The following TPD52L1 variants were observed in gnomAD, a reference collection of about 807,000 sequenced individuals.
TPD52L1 encodes TPD52 like 1.
In TPD52L1, 18 loss-of-function variants were observed where a neutral mutation model predicts 28.7. The ratio of observed to expected loss-of-function variants is 0.63; its 90% CI spans 0.43 to 0.93. TPD52L1 has a LOEUF of 0.93. Ranked by LOEUF, TPD52L1 falls within the 40% of genes least tolerant of loss-of-function variation. The pLI, the probability that TPD52L1 is intolerant of heterozygous loss-of-function variation, is 0.00. For missense variants in TPD52L1, 203 were observed against 254.8 expected, an observed-to-expected ratio of 0.80 and a Z score of 1.39; for synonymous variants, 75 against 88.8, an observed-to-expected ratio of 0.84 and a Z score of 0.88.
Position 125,198,370 on chromosome 6 carries a change from C to T in TPD52L1, c.20-21708C>T, listed in dbSNP as rs146425569. On this transcript the variant is annotated intron_variant, in intron 1 of 6. Transcript: ENST00000534000. ...ACTAGAGATGGGAGAATTTCAAAGT[C>T]CTTTCCTTCATTGTCCATCTTTACT... Among the ~76,000 whole-genome samples the T allele has an allele frequency of 4.3e-3, 652 of 152,254 alleles. 5 individuals carry two copies. The highest frequency in any genetic ancestry group is 0.015 in the African/African-American group (627 of 41,544).
At chr6:125,199,855 T>C (rs1053764579) in intron 1 of TPD52L1, among the ~76,000 whole-genome samples, 1 of 152,238 alleles carries the variant, frequency 6.6e-6, no homozygotes, top group Non-Finnish European at 1.5e-5. Flanking sequence ...AAAGATGCTT[T>C]GGAGCCATAG....
At chr6:125,251,947 G>A (rs1583018840) in intron 4 of TPD52L1, 1 of 1,481,978 alleles carries the variant, frequency 6.7e-7, no homozygotes, top group Non-Finnish European at 9.1e-7. Context: ...GACCACCAAG[G>A]GCAGTGCAGT....
At chr6:125,162,419 C>A (rs1790582888) in intron 1 of TPD52L1, among the ~76,000 whole-genome samples, 1 of 152,106 alleles carries the variant, frequency 6.6e-6, no homozygotes, top group African/African-American at 2.4e-5. Flanking sequence ...CAAAGGAGTC[C>A]ATTTTTGTGG....
chr6:125,172,193 CTTTCTTTCTTTCTTCT>C (rs1791443774), intron 1 of TPD52L1, among the ~76,000 whole-genome samples: 7 of 112,234 alleles, frequency 6.2e-5, no homozygotes, highest in East Asian at 2.5e-4. Context: ...TTCTTTCTTT[CTTTCTTTCTTTCTTCT>C]TTCTTTCTTT....
At chr6:125,186,138 C>T (rs1792609816) in intron 1 of TPD52L1, among the ~76,000 whole-genome samples, 1 of 152,100 alleles carries the variant, frequency 6.6e-6, no homozygotes, top group Admixed American at 6.5e-5. Flanking sequence ...CCTGCCCCAG[C>T]CTCCCAAAGT....
chr6:125,185,536 A>T (rs1214607567), intron 1 of TPD52L1, among the ~76,000 whole-genome samples: 2 of 152,170 alleles, frequency 1.3e-5, no homozygotes, highest in Non-Finnish European at 2.9e-5. Flanking sequence ...GACAAAGATA[A>T]AATCAGAATG....
chr6:125,212,290 C>T (rs1352903184), intron 1 of TPD52L1, among the ~76,000 whole-genome samples: 1 of 151,952 alleles, frequency 6.6e-6, no homozygotes, highest in African/African-American at 2.4e-5. Context: ...TGCTTTCCTC[C>T]CTTTGCTTGG....
At chr6:125,179,828 C>T (rs1429182596) in intron 1 of TPD52L1, among the ~76,000 whole-genome samples, 1 of 152,146 alleles carries the variant, frequency 6.6e-6, no homozygotes, top group East Asian at 1.9e-4. Context: ...GAAGGCAGCT[C>T]TTACTTAAAG....
At chr6:125,175,765 C>T (rs1302082065) in intron 1 of TPD52L1, among the ~76,000 whole-genome samples, 1 of 152,182 alleles carries the variant, frequency 6.6e-6, no homozygotes, top group Non-Finnish European at 1.5e-5. Flanking sequence ...ATTGCTCATT[C>T]AAACTTTTAT....
chr6:125,252,151 T>C, intron 4 of TPD52L1: 1 of 1,231,106 alleles, frequency 8.1e-7, no homozygotes, highest in Non-Finnish European at 1.1e-6. Context: ...TACACTCTGT[T>C]TTCCAGACAG....
intron 1 of TPD52L1, among the ~76,000 whole-genome samples, chr6:125,208,255 G>A (rs1794283241): frequency 6.6e-6 from 1 of 152,198 alleles, no homozygotes; most frequent in African/African-American, 2.4e-5. Context: ...GCAACAAAGA[G>A]TAGCCTGATA....
At chr6:125,179,108 A>C (rs1792018529) in intron 1 of TPD52L1, among the ~76,000 whole-genome samples, 1 of 152,248 alleles carries the variant, frequency 6.6e-6, no homozygotes, top group African/African-American at 2.4e-5. Flanking sequence ...ACTCAGTCTT[A>C]ACAGACATAT....
chr6:125,256,531 C>A (rs1185417230), intron 5 of TPD52L1, among the ~76,000 whole-genome samples: 1 of 152,060 alleles, frequency 6.6e-6, no homozygotes, highest in Non-Finnish European at 1.5e-5. Context: ...AACACCACTT[C>A]ATGTAAGTTG....
intron 1 of TPD52L1, chr6:125,154,493 G>A (rs1361655718): frequency 5.1e-6 from 5 of 985,496 alleles, no homozygotes; most frequent in Middle Eastern, 5.2e-4. Flanking sequence ...CCGAGGCCAG[G>A]TGAACGTTAC....
intron 3 of TPD52L1, among the ~76,000 whole-genome samples, chr6:125,235,649 G>A (rs941418247): frequency 1.3e-5 from 2 of 152,058 alleles, no homozygotes; most frequent in African/African-American, 4.8e-5. Flanking sequence ...ATCATTTCCC[G>A]ACATATAACC....
intron 1 of TPD52L1, among the ~76,000 whole-genome samples, chr6:125,200,688 C>G (rs1292237845): frequency 6.6e-6 from 1 of 152,158 alleles, no homozygotes; most frequent in Non-Finnish European, 1.5e-5. Context: ...TTTTATTCCT[C>G]CCCCAAATGG....
At chr6:125,240,828 G>C (rs552987446) in intron 3 of TPD52L1, among the ~76,000 whole-genome samples, 45 of 152,082 alleles carry the variant, frequency 3.0e-4, no homozygotes, top group African/African-American at 1.0e-3. Flanking sequence ...TCTTTTTCTT[G>C]TCTGATTGCT....
chr6:125,197,940 A>G (rs1793551746), intron 1 of TPD52L1, among the ~76,000 whole-genome samples: 1 of 152,234 alleles, frequency 6.6e-6, no homozygotes, highest in Non-Finnish European at 1.5e-5. Flanking sequence ...GAGGCAGGCC[A>G]AGGGATCGGT....
intron 1 of TPD52L1, among the ~76,000 whole-genome samples, chr6:125,207,181 T>C (rs1794208432): frequency 6.6e-6 from 1 of 152,164 alleles, no homozygotes; most frequent in African/African-American, 2.4e-5. Context: ...CTGCAGCTAT[T>C]AAAGCTCAGG....
Sources: gnomAD v4.1 joint callset for allele counts (sites outside exome capture counted in the v4.1 genomes callset) on GRCh38, gnomAD v4.1.1 for gene constraint, MANE v1.5 for transcripts, NCBI Gene and HGNC (gene_info 2026-07-23, HGNC 2026-07-21) for gene names.